Variants in ZNF676 observed in about 807,000 individuals in gnomAD.
ZNF676 encodes the protein zinc finger protein 676.
Under a neutral mutation model 6.0 loss-of-function variants are expected in ZNF676, and 4 were observed. That is an observed-to-expected ratio of 0.67 (90% CI 0.33 to 1.53). The LOEUF is 1.53. ZNF676 is among the 40% of genes most tolerant of loss of function. ZNF676 has a pLI of 0.06. For missense variants in ZNF676, 644 were observed against 679.7 expected (o/e 0.95, Z 0.58); for synonymous variants, 198 against 223.1 (o/e 0.89, Z 1.00).
At chr19:22,230,105 C>A in the ZNF676 span, among the ~76,000 whole-genome samples, 1 of 152,158 alleles carries the variant, frequency 6.6e-6, no homozygotes, top group African/African-American at 2.4e-5. Context: ...ACCCAAGTGC[C>A]CATCAGTGAT....
Position 22,196,842 on chromosome 19 carries a change from C to G in ZNF676, c.-209G>C. The G allele has an allele frequency of 1.0e-6, 1 of 953,524 alleles. No individual in the cohort carries two copies. The highest frequency in any genetic ancestry group is 1.6e-6 in the Non-Finnish European group (1 of 624,926). 59.1% of individuals were successfully genotyped at this position (953,524 alleles called of 1,614,324 possible). On this transcript the variant is annotated 5_prime_UTR_variant, in exon 1 of 3. Coordinates refer to ENST00000397121, the MANE Select transcript of ZNF676 (RefSeq NM_001001411.3). ...AGCTGGTTCTGACTTATATGAATGA[C>G]TGAAATTATTCAATAAAATAGTTTT...
chr19:22,186,677 G>T (rs2023844782), intron 2 of ZNF676, among the ~76,000 whole-genome samples: 1 of 152,172 alleles, frequency 6.6e-6, no homozygotes, highest in South Asian at 2.1e-4. Context: ...AAAATAAATT[G>T]ATGGAGGAAT....
At position 22,179,838 on chromosome 19, in the gene ZNF676, T is replaced by C. The variant is rs956877662; in HGVS notation, c.*112A>G. On this transcript the variant is annotated 3_prime_UTR_variant, in exon 3 of 3. Transcript: ENST00000397121. Reference sequence around the variant, plus strand: ...TATGTGTAATAAAGATTGAGGACTGTTTAAAAGCTTTGCCACATTCTTCAC... The same window carrying C: ...TATGTGTAATAAAGATTGAGGACTGCTTAAAAGCTTTGCCACATTCTTCAC... The C allele has an allele frequency of 7.2e-6, 9 of 1,244,858 alleles. No homozygotes were observed. The highest frequency in any genetic ancestry group is 1.0e-5 in the Non-Finnish European group (9 of 861,266). The allele number at this position is 1,244,858 out of a possible 1,614,324, so 77.1% of individuals were successfully genotyped here.
chr19:22,181,848 G>A (rs2023759096), intron 2 of ZNF676, among the ~76,000 whole-genome samples: 1 of 151,632 alleles, frequency 6.6e-6, no homozygotes, highest in Non-Finnish European at 1.5e-5. Flanking sequence ...AACAAGAAAA[G>A]TTTGTTAAAT....
At chr19:22,232,482 A>C in the ZNF676 span, among the ~76,000 whole-genome samples, 2 of 152,244 alleles carry the variant, frequency 1.3e-5, no homozygotes, top group African/African-American at 4.8e-5. Flanking sequence ...AGCATATTTC[A>C]ATACCCCATT....
intron 1 of ZNF676, among the ~76,000 whole-genome samples, 160 bp downstream of exon 1, chr19:22,196,440 T>A (rs1388080393): frequency 6.6e-6 from 1 of 152,194 alleles, no homozygotes; most frequent in African/African-American, 2.4e-5. Flanking sequence ...AGGACCCTTG[T>A]TCACCAGAAG....
chr19:22,197,960 T>C (rs767014992), upstream of ZNF676, among the ~76,000 whole-genome samples: 16 of 152,216 alleles, frequency 1.1e-4, no homozygotes, highest in Non-Finnish European at 1.8e-4. Flanking sequence ...AAGTTCAAGA[T>C]AGAGATATCT....
At position 22,201,955 on chromosome 19, in the gene ZNF676, A is replaced by C. The variant is rs111451901; in HGVS notation, c.4-5229T>G. ...TCAAGAGATAAATACATAGCTGAAGAAAAGGGAGAAAAACATAACTGTGCT... is the reference window on the plus strand; with the variant it reads ...TCAAGAGATAAATACATAGCTGAAGCAAAGGGAGAAAAACATAACTGTGCT... On this transcript the variant is annotated intron_variant, in intron 1 of 3. Coordinates refer to the ZNF676 transcript ENST00000650058. Among the ~76,000 whole-genome samples the C allele has an allele frequency of 5.3e-3, 811 of 152,312 alleles. 5 individuals carry two copies. Among genetic ancestry groups the C allele is most frequent in the African/African-American group, 0.018 (767 of 41,558 alleles).
chr19:22,187,048 C>A (rs2023849034), intron 2 of ZNF676, among the ~76,000 whole-genome samples: 1 of 152,142 alleles, frequency 6.6e-6, no homozygotes, highest in Non-Finnish European at 1.5e-5. Flanking sequence ...GGGCTCTACC[C>A]CAAATCAACA....
At chr19:22,235,241 C>T in the ZNF676 span, among the ~76,000 whole-genome samples, 1 of 152,158 alleles carries the variant, frequency 6.6e-6, no homozygotes, top group African/African-American at 2.4e-5. Context: ...CTTTATTTTT[C>T]ACCGACACCT....
At chr19:22,190,062 A>G (rs2144748598) in intron 2 of ZNF676, among the ~76,000 whole-genome samples, 1 of 152,344 alleles carries the variant, frequency 6.6e-6, no homozygotes, top group South Asian at 2.1e-4. Flanking sequence ...CTATAAAGAC[A>G]CATGCACATG....
the ZNF676 span, among the ~76,000 whole-genome samples, chr19:22,242,323 T>C: frequency 6.6e-6 from 1 of 151,892 alleles, no homozygotes; most frequent in East Asian, 1.9e-4. Context: ...AGGGCTATGT[T>C]CCACTGTTTT....
At chr19:22,196,966 T>TA (rs2144774765), upstream of ZNF676, 1 of 409,356 alleles carries the variant, frequency 2.4e-6, no homozygotes, top group East Asian at 5.1e-5. Context: ...TTCTAGATAA[T>TA]AAAGTATAAA....
At chr19:22,235,916 G>C in the ZNF676 span, among the ~76,000 whole-genome samples, 4 of 150,818 alleles carry the variant, frequency 2.7e-5, no homozygotes, top group African/African-American at 7.3e-5. Context: ...ACCAGGAGAT[G>C]TGGTAATTTG....
the ZNF676 span, chr19:22,244,594 G>A: frequency 6.6e-6 from 1 of 152,302 alleles, no homozygotes; most frequent in East Asian, 1.9e-4. Context: ...ACAGGCAGAA[G>A]GGTCACATAA....
chr19:22,234,444 A>G, the ZNF676 span, among the ~76,000 whole-genome samples: 4 of 152,228 alleles, frequency 2.6e-5, no homozygotes, highest in African/African-American at 9.6e-5. Context: ...TGATGATGGA[A>G]TGCTGTTGTG....
At chr19:22,200,310 A>C (rs1334800629), upstream of ZNF676, among the ~76,000 whole-genome samples, 1 of 150,824 alleles carries the variant, frequency 6.6e-6, no homozygotes, top group Non-Finnish European at 1.5e-5. Flanking sequence ...AAGAACTACA[A>C]ATAATAATAA....
chr19:22,209,446 GATAA>G (rs1325088157), intron 1 of ZNF676, among the ~76,000 whole-genome samples: 1 of 151,916 alleles, frequency 6.6e-6, no homozygotes, highest in African/African-American at 2.4e-5. Context: ...ATAAGTAAGA[GATAA>G]ATAAGAACAC....
At chr19:22,246,030 G>T in the ZNF676 span, among the ~76,000 whole-genome samples, 279 of 152,256 alleles carry the variant, frequency 1.8e-3, 2 homozygotes, top group African/African-American at 6.4e-3. Context: ...ATACGTCACA[G>T]TACCTAATAT....
Sources: allele counts gnomAD v4.1 joint callset (sites outside exome capture counted in the v4.1 genomes callset), GRCh38; gene constraint gnomAD v4.1.1; transcripts MANE v1.5; gene names NCBI Gene and HGNC (gene_info 2026-07-23, HGNC 2026-07-21).